The following DPP3 variants were observed in gnomAD, a reference collection of about 807,000 sequenced individuals.
DPP3 encodes DPP III.
DPP3 carries 64 observed loss-of-function variants against 89.8 expected under a neutral mutation model. The ratio of observed to expected loss-of-function variants is 0.71; its 90% CI spans 0.58 to 0.88. The LOEUF is 0.88. DPP3 is among the 40% of genes least tolerant of loss of function. DPP3 has a pLI of 0.00. For missense variants in DPP3, 835 were observed against 972.5 expected (o/e 0.86, Z 1.88); for synonymous variants, 377 against 404.3 (o/e 0.93, Z 0.81).
rs762982484 is a variant in DPP3, at chr11:66,497,348, C to T, written c.1749C>T (p.Gly583=). 5 of 1,613,918 alleles carry T rather than the reference C, an allele frequency of 3.1e-6. No individual in the cohort carries two copies. The highest frequency in any genetic ancestry group is 2.2e-5 in the East Asian group (1 of 44,872). The part of the protein sequence containing the change: ...FVILRVLLEA[G]EGLVTITPTT... The stretch of plus-strand genomic sequence containing the variant: ...TCCTGAGAGTCTTGCTGGAGGCTGG[C>T]GAGGGACTCGTTACCATCACTCCCA... Residue 583 remains glycine, a synonymous_variant, in exon 16 of 18, where the codon GGC becomes GGT. Coordinates refer to ENST00000531863, the MANE Select transcript of DPP3 (RefSeq NM_130443.4).
In DPP3 at chr11:66,508,968, A is replaced by G. The variant is rs1193002611; in HGVS notation, c.2042-111A>G. On this transcript the variant is annotated intron_variant, in intron 17 of 17. Coordinates refer to ENST00000531863, the MANE Select transcript of DPP3 (RefSeq NM_130443.4). ...CGTAGAGCACAGGTTTTTTTGGCAG[A>G]GCTCAGTAAGAAACAGCTGCTGCTG... is the stretch of plus-strand genomic sequence containing the variant. 4.3e-6 allele frequency: 6 copies of G among 1,387,610 alleles called. No individual in the cohort carries two copies. The African/African-American group carries it at 7.2e-5, about 17-fold the overall frequency. 86.0% of individuals were successfully genotyped at this position (1,387,610 alleles called of 1,614,324 possible). A position where few individuals can be genotyped will look rare whatever the true frequency, so the allele number is the denominator to read the frequency against.
At chr11:66,505,988 C>T (rs1196899906) in intron 17 of DPP3, among the ~76,000 whole-genome samples, 5 of 152,058 alleles carry the variant, frequency 3.3e-5, no homozygotes, top group Non-Finnish European at 5.9e-5. Context: ...CTCACTCTGT[C>T]GCCTAGGCTG....
Position 66,509,288 on chromosome 11 carries a change from C to G in DPP3, c.*37C>G. The G allele has an allele frequency of 6.4e-7, 1 of 1,573,352 alleles. No homozygotes were observed. On this transcript the variant is annotated 3_prime_UTR_variant, in exon 18 of 18. Coordinates refer to ENST00000531863, the MANE Select transcript of DPP3 (RefSeq NM_130443.4). The stretch of plus-strand genomic sequence containing the variant: ...GGCCTTGCCCCCAATTCCATCAGAC[C>G]AAGGCTGCAAGTGGCCCTCCATTCG...
At chr11:66,507,656 C>T (rs999498383) in intron 17 of DPP3, among the ~76,000 whole-genome samples, 1 of 150,142 alleles carries the variant, frequency 6.7e-6, no homozygotes, top group African/African-American at 2.4e-5. Flanking sequence ...GTTGGATTTT[C>T]AAAGGTTGTG....
rs112110054 is a variant in DPP3 at position 66,495,055 on chromosome 11, G to T, written c.1390-151G>T. The T allele has an allele frequency of 4.0e-5, 43 of 1,068,776 alleles. No individual in the cohort carries two copies. The African/African-American group carries it at 5.0e-4, about 12-fold the overall frequency. 66.2% of individuals were successfully genotyped at this position (1,068,776 alleles called of 1,614,324 possible). ...CGTCACAGGGCTCAGGGCTGTGCAG[G>T]CGTCAGTGTGTGGACAGACCTGCTG... On this transcript the variant is annotated intron_variant, in intron 12 of 17. Transcript: ENST00000531863.
Position 66,492,881 on chromosome 11 carries a change from G to A in DPP3, c.1154G>A (p.Gly385Asp). The A allele has an allele frequency of 6.2e-7, 1 of 1,613,180 alleles. No individual in the cohort carries two copies. Among genetic ancestry groups the A allele is most frequent in the Non-Finnish European group, 8.5e-7 (1 of 1,179,616 alleles). The change falls in exon 10 of 18, where the codon GGC becomes GAC. Residue 385 changes from glycine (G) to aspartate (D), a missense_variant. By Grantham distance (94) the Gly-to-Asp change is moderately conservative (BLOSUM62 -1). Coordinates refer to ENST00000531863, the MANE Select transcript of DPP3 (RefSeq NM_130443.4). ...SLDVLTFAGS[G>D]IPAGINIPNY... ...GATGTTCTCACCTTCGCTGGCTCCG[G>A]CATCCCTGCCGGCATCAACATCCCC...
In DPP3 at chr11:66,509,262, T is replaced by C. The variant is rs999796437; in HGVS notation, c.*11T>C. ...TCTGGCCAAGCTTGAGGAAGATGTG[T>C]GGCCTTGCCCCCAATTCCATCAGAC... On this transcript the variant is annotated 3_prime_UTR_variant, in exon 18 of 18. Transcript: ENST00000531863. The C allele has an allele frequency of 3.8e-6, 6 of 1,599,726 alleles. No homozygotes were observed. The African/African-American group carries it at 8.0e-5, about 21-fold the overall frequency.
intron 4 of DPP3, 25 bp downstream of exon 4, chr11:66,486,702 G>C (rs202159027): frequency 6.8e-7 from 1 of 1,479,736 alleles, no homozygotes; most frequent in Admixed American, 2.4e-5. Context: ...TCCCCCGAGG[G>C]GACAGGGAGT....
At chr11:66,504,797 C>G in intron 17 of DPP3, 23 bp downstream of exon 17, 1 of 1,595,732 alleles carries the variant, frequency 6.3e-7, no homozygotes, top group Non-Finnish European at 8.5e-7. Context: ...TGAGGGAGCT[C>G]TTGAGCTCCC....
At chr11:66,498,295 G>A (rs996227461) in intron 16 of DPP3, among the ~76,000 whole-genome samples, 4 of 152,070 alleles carry the variant, frequency 2.6e-5, no homozygotes, top group African/African-American at 7.2e-5. Context: ...GGGTTTCACC[G>A]TGTTAGCCAG....
chr11:66,504,197 A>G (rs974577368), intron 16 of DPP3, among the ~76,000 whole-genome samples: 3 of 141,040 alleles, frequency 2.1e-5, no homozygotes, highest in Non-Finnish European at 3.1e-5. Context: ...AACTCAAGCA[A>G]TCCTCTCACC....
At chr11:66,500,793 C>T (rs1294095880) in intron 16 of DPP3, among the ~76,000 whole-genome samples, 7 of 152,192 alleles carry the variant, frequency 4.6e-5, no homozygotes, top group South Asian at 2.1e-4. Flanking sequence ...CACTGGCTCA[C>T]GCCTGTAATC....
At chr11:66,481,613 G>A (rs1855083396) in intron 1 of DPP3, among the ~76,000 whole-genome samples, 1 of 152,040 alleles carries the variant, frequency 6.6e-6, no homozygotes, top group Non-Finnish European at 1.5e-5. Flanking sequence ...CTGAACCTCA[G>A]TTTCCCCATC....
intron 15 of DPP3, among the ~76,000 whole-genome samples, chr11:66,496,976 TC>T (rs1355825126): frequency 6.6e-6 from 1 of 152,076 alleles, no homozygotes; most frequent in Non-Finnish European, 1.5e-5. Flanking sequence ...GTAGCTGCTG[TC>T]CTCAGCAGGG....
At chr11:66,480,583 A>C in intron 1 of DPP3, 118 bp downstream of exon 1, 4 of 1,196,570 alleles carry the variant, frequency 3.3e-6, no homozygotes, top group Non-Finnish European at 4.4e-6. Context: ...CCCCCTCCAA[A>C]TTCACCCCGC....
intron 9 of DPP3, chr11:66,492,497 G>A: frequency 1.9e-6 from 1 of 515,666 alleles, no homozygotes; most frequent in South Asian, 3.3e-5. Context: ...GGGGCAGGCG[G>A]CCCAGGGGCC....
intron 16 of DPP3, among the ~76,000 whole-genome samples, chr11:66,501,997 A>AC (rs1455968995): frequency 6.6e-6 from 1 of 151,908 alleles, no homozygotes; most frequent in Admixed American, 6.6e-5. Flanking sequence ...AACGATTGAG[A>AC]CCATCCTGGC....
At chr11:66,494,083 G>A (rs945080801) in intron 12 of DPP3, among the ~76,000 whole-genome samples, 1 of 152,144 alleles carries the variant, frequency 6.6e-6, no homozygotes, top group African/African-American at 2.4e-5. Flanking sequence ...CTTTGTTTGC[G>A]CTGCTGTTCC....
At chr11:66,502,890 G>A (rs1287147290) in intron 16 of DPP3, among the ~76,000 whole-genome samples, 1 of 149,718 alleles carries the variant, frequency 6.7e-6, no homozygotes, top group East Asian at 2.0e-4. Context: ...TGAGCCACCC[G>A]CCCGGCCCGA....
Sources: allele counts gnomAD v4.1 joint callset (sites outside exome capture counted in the v4.1 genomes callset), GRCh38; gene constraint gnomAD v4.1.1; transcripts MANE v1.5; gene names NCBI Gene and HGNC (gene_info 2026-07-23, HGNC 2026-07-21).